Variants in ADCY2 observed in about 807,000 individuals in gnomAD.
ADCY2 encodes the protein adenylate cyclase 2.
ADCY2 carries 31 observed loss-of-function variants against 125.2 expected under a neutral mutation model. The ratio of observed to expected loss-of-function variants is 0.25; its 90% CI spans 0.19 to 0.33. The LOEUF is 0.33. Among genes scored for constraint, ADCY2 ranks in the 10% least tolerant of loss-of-function variants. The probability of loss-of-function intolerance (pLI) is 1.00; values close to 1 mark genes in which losing one functional copy is unlikely to be tolerated. For missense variants in ADCY2, 904 were observed against 1,418.2 expected (o/e 0.64, Z 5.82); for synonymous variants, 512 against 548.4 (o/e 0.93, Z 0.93).
At chr5:7,532,324 TC>T (rs1342498119) in intron 3 of ADCY2, among the ~76,000 whole-genome samples, 1 of 152,250 alleles carries the variant, frequency 6.6e-6, no homozygotes, top group Non-Finnish European at 1.5e-5. Flanking sequence ...CATACACTTT[TC>T]CTCTAGCCAC....
chr5:7,407,301 A>G (rs766909356), intron 1 of ADCY2, among the ~76,000 whole-genome samples: 13 of 152,240 alleles, frequency 8.5e-5, no homozygotes, highest in South Asian at 2.1e-4. Flanking sequence ...AACATGTTGT[A>G]TTAGTCGTTT....
rs546466412 is a variant in ADCY2, at chr5:7,626,562, C to G, written c.720+246C>G. Among the ~76,000 whole-genome samples, 213 of 152,226 alleles carry G rather than the reference C, an allele frequency of 1.4e-3. 1 individual carries two copies. Among genetic ancestry groups the G allele is most frequent in the Non-Finnish European group, 2.5e-3 (172 of 68,028 alleles). On this transcript the variant is annotated intron_variant, in intron 4 of 24. Coordinates refer to ENST00000338316, the MANE Select transcript of ADCY2 (RefSeq NM_020546.3). Reference sequence around the variant, plus strand: ...ATGGTTCTACAGGCTGCACAAGAAGCCTGTGCCATGTCTACTTCTCGTGAA... The same window carrying G: ...ATGGTTCTACAGGCTGCACAAGAAGGCTGTGCCATGTCTACTTCTCGTGAA...
At chr5:7,603,628 C>T (rs962165403) in intron 3 of ADCY2, among the ~76,000 whole-genome samples, 18 of 151,954 alleles carry the variant, frequency 1.2e-4, no homozygotes, top group Non-Finnish European at 2.2e-4. Flanking sequence ...GTTCTTTAGA[C>T]GGGAAACTCA....
intron 20 of ADCY2, chr5:7,801,263 A>T (rs1483697311): frequency 6.6e-6 from 1 of 152,282 alleles, no homozygotes; most frequent in South Asian, 2.1e-4. Context: ...GATAATGTTC[A>T]TGTAGAATGG....
At chr5:7,699,311 A>G (rs1741003335) in intron 7 of ADCY2, among the ~76,000 whole-genome samples, 1 of 150,140 alleles carries the variant, frequency 6.7e-6, no homozygotes, top group African/African-American at 2.5e-5. Flanking sequence ...TTTAGCCGGG[A>G]TGGTCTCGAT....
At chr5:7,420,201 TG>T (rs1338240831) in intron 2 of ADCY2, among the ~76,000 whole-genome samples, 3 of 152,162 alleles carry the variant, frequency 2.0e-5, no homozygotes, top group Non-Finnish European at 4.4e-5. Context: ...CAAAGAATTA[TG>T]CAGCCCAGTT....
intron 4 of ADCY2, among the ~76,000 whole-genome samples, chr5:7,669,759 C>T (rs975368436): frequency 4.6e-5 from 7 of 152,216 alleles, no homozygotes; most frequent in Non-Finnish European, 5.9e-5. Context: ...TCAAAAGCCA[C>T]TGCTGCCGGC....
At chr5:7,737,812 T>A (rs1387085747) in intron 14 of ADCY2, among the ~76,000 whole-genome samples, 1 of 152,086 alleles carries the variant, frequency 6.6e-6, no homozygotes, top group African/African-American at 2.4e-5. Context: ...AAAAAGACAT[T>A]ACATACAAGG....
intron 19 of ADCY2, among the ~76,000 whole-genome samples, chr5:7,788,787 C>G (rs1419444536): frequency 1.3e-5 from 2 of 152,150 alleles, no homozygotes; most frequent in Non-Finnish European, 2.9e-5. Context: ...GCAGTTAGCT[C>G]TTCTTTGCAT....
At chr5:7,447,331 T>C (rs1741301754) in intron 2 of ADCY2, among the ~76,000 whole-genome samples, 1 of 152,212 alleles carries the variant, frequency 6.6e-6, no homozygotes, top group Non-Finnish European at 1.5e-5. Flanking sequence ...TGGCCACGGC[T>C]ATTCCTGCCC....
intron 1 of ADCY2, among the ~76,000 whole-genome samples, chr5:7,409,683 C>T (rs139993961): frequency 1.0e-3 from 154 of 152,296 alleles, no homozygotes; most frequent in African/African-American, 3.2e-3. Flanking sequence ...GCCAAGATTA[C>T]TAATTATGAT....
intron 1 of ADCY2, among the ~76,000 whole-genome samples, chr5:7,405,259 C>A (rs183437733): frequency 1.2e-3 from 186 of 151,908 alleles, no homozygotes; most frequent in Non-Finnish European, 2.4e-3. Flanking sequence ...TATCAATTAA[C>A]TTGTGCTGTG....
chr5:7,810,846 C>G (rs1744918505), intron 22 of ADCY2, among the ~76,000 whole-genome samples: 1 of 152,166 alleles, frequency 6.6e-6, no homozygotes, highest in South Asian at 2.1e-4. Context: ...TGTTCCACAT[C>G]TGAGGGGCTT....
rs1025438717 is a variant in ADCY2, at chr5:7,655,486, C to T, written c.720+29170C>T. ...AGCTCACGAGAAAAAGACTGACGTT[C>T]CAGCTGAAGCCAGGAGGCTGGAAGC... On this transcript the variant is annotated intron_variant, in intron 4 of 24. Transcript: ENST00000338316. Among the ~76,000 whole-genome samples the T allele has an allele frequency of 2.0e-5, 3 of 152,196 alleles. No individual in the cohort carries two copies. The East Asian group carries it at 5.8e-4, about 29-fold the overall frequency.
At chr5:7,430,581 T>C (rs1213432751) in intron 2 of ADCY2, among the ~76,000 whole-genome samples, 1 of 145,080 alleles carries the variant, frequency 6.9e-6, no homozygotes, top group Admixed American at 6.8e-5. Flanking sequence ...AGTGTATATA[T>C]ATAAAGGATA....
intron 4 of ADCY2, among the ~76,000 whole-genome samples, chr5:7,651,186 C>CA (rs1391517412): frequency 6.6e-6 from 1 of 152,096 alleles, no homozygotes; most frequent in Admixed American, 6.5e-5. Flanking sequence ...GGAAACAATA[C>CA]AAAAAAGTGC....
At chr5:7,641,448 T>A (rs1738711802) in intron 4 of ADCY2, among the ~76,000 whole-genome samples, 1 of 152,154 alleles carries the variant, frequency 6.6e-6, no homozygotes. Context: ...TGAGTTATCG[T>A]TCTGTGTTTT....
At position 7,803,368 on chromosome 5, in the gene ADCY2, A is replaced by G. The variant is rs532267017; in HGVS notation, c.2775+1004A>G. Among the ~76,000 whole-genome samples the G allele has an allele frequency of 3.3e-5, 5 of 152,346 alleles. No individual in the cohort carries two copies. The East Asian group carries it at 9.6e-4, about 29-fold the overall frequency. ...CCTGGAGGAATCTCCTCTGAAATCA[A>G]GAGATCCAAGGGAGGGGCAAGAAAA... On this transcript the variant is annotated intron_variant, in intron 21 of 24. Transcript: ENST00000338316.
chr5:7,701,172 G>A (rs1027944611), intron 7 of ADCY2, among the ~76,000 whole-genome samples: 3 of 151,984 alleles, frequency 2.0e-5, no homozygotes, highest in Non-Finnish European at 2.9e-5. Context: ...GGTGAAATGA[G>A]TACTATTGGA....
Sources: allele counts gnomAD v4.1 joint callset (sites outside exome capture counted in the v4.1 genomes callset), GRCh38; gene constraint gnomAD v4.1.1; transcripts MANE v1.5; gene names NCBI Gene and HGNC (gene_info 2026-07-23, HGNC 2026-07-21).